DACH2: variants seen among roughly 807,000 people sequenced by gnomAD.
The protein encoded by DACH2 is dachshund family transcription factor 2.
In DACH2, 17 loss-of-function variants were observed where a neutral mutation model predicts 35.8. The ratio of observed to expected loss-of-function variants is 0.48; its 90% confidence interval spans 0.33 to 0.71. The LOEUF (loss-of-function observed/expected upper bound fraction) is 0.71, where lower values mean the gene tolerates loss of function less well. Among genes scored for constraint, DACH2 ranks in the 30% least tolerant of loss-of-function variants. DACH2 has a pLI of 0.02. For missense variants in DACH2, 469 were observed against 472.7 expected, an observed-to-expected ratio of 0.99 and a Z score of 0.07; for synonymous variants, 195 against 177.3, an observed-to-expected ratio of 1.10 and a Z score of -0.79.
At chrX:86,724,816 C>G (rs1323701438) in intron 6 of DACH2, among the ~76,000 whole-genome samples, 1 of 110,934 alleles carries the variant, frequency 9.0e-6, no homozygotes, top group Non-Finnish European at 1.9e-5. Context: ...CTCGGAAACA[C>G]AGATAATTCT....
chrX:86,491,359 A>G (rs1364925905), intron 2 of DACH2, among the ~76,000 whole-genome samples: 1 of 111,855 alleles, frequency 8.9e-6, no homozygotes, highest in African/African-American at 3.2e-5. Flanking sequence ...AAACCTGTGC[A>G]GGAAGGGGAG....
intron 2 of DACH2, among the ~76,000 whole-genome samples, chrX:86,436,923 A>C (rs1043147809): frequency 1.8e-5 from 2 of 111,368 alleles, no homozygotes; most frequent in African/African-American, 6.5e-5. Flanking sequence ...GTGAGCATAG[A>C]GTTGTTAATA....
intron 1 of DACH2, among the ~76,000 whole-genome samples, chrX:86,262,277 G>A (rs1295669273): frequency 1.3e-4 from 14 of 111,304 alleles, no homozygotes; most frequent in African/African-American, 4.6e-4. Flanking sequence ...AATAGAGGGA[G>A]ACCCTGTCTC....
chrX:86,699,977 G>A lies in DACH2; in HGVS notation c.931+4798G>A, dbSNP rs182215683. 1.7e-4 allele frequency among the ~76,000 whole-genome samples: 19 copies of A among 111,760 alleles called. No homozygotes were observed. The East Asian group carries it at 3.7e-3, about 22-fold the overall frequency. ...TTATTTACCCAAAAGTCATTTGGGA[G>A]CAGGTTGTTTAATTTCCATGTAATT... On this transcript the variant is annotated intron_variant, in intron 5 of 11. Transcript: ENST00000373125.
At chrX:86,752,638 T>A (rs1015682449) in intron 7 of DACH2, among the ~76,000 whole-genome samples, 1 of 111,493 alleles carries the variant, frequency 9.0e-6, no homozygotes, top group Non-Finnish European at 1.9e-5. Context: ...AATCATAGAT[T>A]TGATTGTCTT....
rs548326049 is a variant in DACH2, at chrX:86,216,640, T to G, written c.488+67532T>G. On this transcript the variant is annotated intron_variant, in intron 1 of 11. Transcript: ENST00000373125. ...TTTGAGAGATAAATGTTTTTCTGGA[T>G]ACCTGTTTGATAGTTTGTATTTGTG... Among the ~76,000 whole-genome samples the G allele has an allele frequency of 2.7e-5, 3 of 112,087 alleles. No homozygotes were observed. The South Asian group carries it at 1.1e-3, about 42-fold the overall frequency.
chrX:86,806,740 T>C (rs951823928), intron 7 of DACH2, among the ~76,000 whole-genome samples: 27 of 112,250 alleles, frequency 2.4e-4, no homozygotes, highest in African/African-American at 8.7e-4. Flanking sequence ...AAGTTTTGAA[T>C]TTTGAAGCAT....
At chrX:86,437,833 T>G (rs1210467724) in intron 2 of DACH2, among the ~76,000 whole-genome samples, 3 of 110,881 alleles carry the variant, frequency 2.7e-5, no homozygotes, top group Non-Finnish European at 5.7e-5. Flanking sequence ...GTTTTTTTTT[T>G]TCTTGAAGAT....
intron 4 of DACH2, among the ~76,000 whole-genome samples, chrX:86,680,473 G>T (rs1417173322): frequency 9.0e-6 from 1 of 111,216 alleles, no homozygotes; most frequent in Non-Finnish European, 1.9e-5. Context: ...ATTTTTTACT[G>T]CCCTGTTGCC....
intron 1 of DACH2, among the ~76,000 whole-genome samples, chrX:86,185,330 C>T (rs2031650532): frequency 1.8e-5 from 2 of 111,731 alleles, no homozygotes; most frequent in Admixed American, 1.9e-4. Flanking sequence ...TATAGGGCAG[C>T]AAAGAAATAG....
In DACH2 at chrX:86,706,746, A is replaced by C. The variant is rs995337434; in HGVS notation, c.932-7802A>C. On this transcript the variant is annotated intron_variant, in intron 5 of 11. Coordinates refer to ENST00000373125, the MANE Select transcript of DACH2 (RefSeq NM_053281.3). ...TAAACAGTACACTTATAAATACCAC[A>C]CAAGTCAAAAAAGAACCCCCAAGAA... is the stretch of plus-strand genomic sequence containing the variant. 2.7e-5 allele frequency among the ~76,000 whole-genome samples: 3 copies of C among 110,499 alleles called. No homozygotes were observed. In the East Asian group the frequency reaches 8.5e-4, roughly 31 times the overall value.
intron 1 of DACH2, among the ~76,000 whole-genome samples, chrX:86,339,694 G>T (rs771354428): frequency 3.6e-5 from 4 of 111,458 alleles, no homozygotes; most frequent in Admixed American, 2.9e-4. Context: ...CTTAATCCCT[G>T]CACCACACTG....
intron 4 of DACH2, among the ~76,000 whole-genome samples, chrX:86,669,937 G>A (rs997078429): frequency 7.2e-5 from 8 of 110,378 alleles, no homozygotes; most frequent in African/African-American, 1.6e-4. Context: ...TGTCACAGGG[G>A]TCTCTATCTT....
chrX:86,731,767 T>C (rs758740101), intron 6 of DACH2, among the ~76,000 whole-genome samples: 1 of 112,094 alleles, frequency 8.9e-6, no homozygotes, highest in Non-Finnish European at 1.9e-5. Flanking sequence ...AAAATACACC[T>C]GGCTAAGCCT....
At chrX:86,409,428 G>C (rs1291651281) in intron 2 of DACH2, among the ~76,000 whole-genome samples, 1 of 111,378 alleles carries the variant, frequency 9.0e-6, no homozygotes, top group Non-Finnish European at 1.9e-5. Flanking sequence ...GGAAGTGATT[G>C]GATCATGGGG....
chrX:86,277,763 A>T (rs758833923), intron 1 of DACH2, among the ~76,000 whole-genome samples: 2 of 112,061 alleles, frequency 1.8e-5, no homozygotes, highest in African/African-American at 3.2e-5. Flanking sequence ...CATTGAAGCC[A>T]GTCCTTTTAC....
chrX:86,241,172 G>A (rs1386287628), intron 1 of DACH2, among the ~76,000 whole-genome samples: 1 of 111,900 alleles, frequency 8.9e-6, no homozygotes, highest in Non-Finnish European at 1.9e-5. Context: ...AGAAGACGGG[G>A]AGATGTGGGA....
intron 1 of DACH2, among the ~76,000 whole-genome samples, chrX:86,213,872 C>T (rs2032506847): frequency 9.0e-6 from 1 of 110,890 alleles, no homozygotes; most frequent in African/African-American, 3.3e-5. Flanking sequence ...AATCAGCCTT[C>T]ATAATTGTTC....
At chrX:86,241,311 T>C (rs2033161488) in intron 1 of DACH2, among the ~76,000 whole-genome samples, 1 of 112,207 alleles carries the variant, frequency 8.9e-6, no homozygotes, top group African/African-American at 3.2e-5. Context: ...AAGGTCATTC[T>C]TGCTATGCTG....
Sources: allele counts gnomAD v4.1 joint callset (sites outside exome capture counted in the v4.1 genomes callset), GRCh38; gene constraint gnomAD v4.1.1; transcripts MANE v1.5; gene names NCBI Gene and HGNC (gene_info 2026-07-23, HGNC 2026-07-21).